CDH12: variants seen among roughly 807,000 people sequenced by gnomAD.
CDH12 encodes the protein cadherin-12.
CDH12 carries 41 observed loss-of-function variants against 74.1 expected under a neutral mutation model. The observed-to-expected ratio is 0.55, with a 90% confidence interval of 0.43 to 0.72. The LOEUF is 0.72. CDH12 is among the 30% of genes least tolerant of loss of function. The pLI, the probability that CDH12 is intolerant of heterozygous loss-of-function variation, is 0.00. For missense variants in CDH12, 945 were observed against 977.2 expected, an observed-to-expected ratio of 0.97 and a Z score of 0.44; for synonymous variants, 399 against 355.0, an observed-to-expected ratio of 1.12 and a Z score of -1.39.
chr5:22,284,950 GA>G (rs58641614), intron 3 of CDH12, among the ~76,000 whole-genome samples: 37 of 140,590 alleles, frequency 2.6e-4, no homozygotes, highest in African/African-American at 3.9e-4. Context: ...AAGAAGAAAT[GA>G]AAAAAAAAAA....
chr5:22,347,710 T>C (rs1195336913), intron 3 of CDH12, among the ~76,000 whole-genome samples: 1 of 152,214 alleles, frequency 6.6e-6, no homozygotes, highest in Non-Finnish European at 1.5e-5. Context: ...GGTTGAGGCA[T>C]ATGATGATTA....
chr5:21,912,478 C>T (rs1314912734), intron 6 of CDH12, among the ~76,000 whole-genome samples: 1 of 152,150 alleles, frequency 6.6e-6, no homozygotes, highest in East Asian at 1.9e-4. Context: ...AGATATCAAA[C>T]TCCTTACACT....
At chr5:22,093,711 T>C (rs923266345) in intron 4 of CDH12, among the ~76,000 whole-genome samples, 17 of 152,136 alleles carry the variant, frequency 1.1e-4, no homozygotes, top group African/African-American at 4.1e-4. Flanking sequence ...GTTGCAACAC[T>C]ATGTGAATAT....
chr5:21,764,651 G>GAAAAAA (rs369895363), intron 12 of CDH12, among the ~76,000 whole-genome samples: 267 of 105,498 alleles, frequency 2.5e-3, no homozygotes, highest in Middle Eastern at 5.3e-3. Flanking sequence ...TTCATATCAA[G>GAAAAAA]AAAAAAAAAA....
At chr5:22,373,651 C>A (rs186470976) in intron 3 of CDH12, among the ~76,000 whole-genome samples, 30 of 152,318 alleles carry the variant, frequency 2.0e-4, no homozygotes, top group East Asian at 7.7e-4. Flanking sequence ...GCTCCCTGAG[C>A]AAGCAAGGAA....
intron 4 of CDH12, among the ~76,000 whole-genome samples, chr5:22,209,291 C>A (rs1406003124): frequency 6.6e-6 from 1 of 152,144 alleles, no homozygotes; most frequent in Non-Finnish European, 1.5e-5. Context: ...TACACTAAAC[C>A]TCTGTGGACA....
chr5:22,118,036 C>G (rs1580278136), intron 4 of CDH12, among the ~76,000 whole-genome samples: 1 of 152,122 alleles, frequency 6.6e-6, no homozygotes, highest in East Asian at 1.9e-4. Context: ...GACCTCAACT[C>G]TAGAACCATC....
chr5:22,284,715 T>C (rs1181780670), intron 3 of CDH12, among the ~76,000 whole-genome samples: 1 of 152,126 alleles, frequency 6.6e-6, no homozygotes, highest in Non-Finnish European at 1.5e-5. Context: ...AGGAAGAGGA[T>C]TCAACAAGTG....
chr5:22,152,454 C>T (rs1167796072), intron 4 of CDH12: 1 of 152,052 alleles, frequency 6.6e-6, no homozygotes, highest in African/African-American at 2.4e-5. Context: ...TCATATTCAC[C>T]TTTCTGGAAT....
At chr5:21,846,103 A>T (rs1750152508) in intron 7 of CDH12, among the ~76,000 whole-genome samples, 1 of 152,176 alleles carries the variant, frequency 6.6e-6, no homozygotes, top group Non-Finnish European at 1.5e-5. Flanking sequence ...ACCCATCTGC[A>T]TAACAAAAGA....
At chr5:22,494,654 G>T (rs1747027752) in intron 2 of CDH12, among the ~76,000 whole-genome samples, 1 of 152,152 alleles carries the variant, frequency 6.6e-6, no homozygotes, top group Non-Finnish European at 1.5e-5. Context: ...ATGGCATTTT[G>T]AATAAAGCTG....
chr5:22,811,053 A>C lies in CDH12; in HGVS notation c.-523+42005T>G, dbSNP rs549401167. On this transcript the variant is annotated intron_variant, in intron 1 of 14. Transcript: ENST00000382254. ...CATACATAAATATATACATACATACACATATATACGTATATGTATACATAC... is the reference window on the plus strand; with the variant it reads ...CATACATAAATATATACATACATACCCATATATACGTATATGTATACATAC... Among the ~76,000 whole-genome samples the C allele has an allele frequency of 3.5e-3, 529 of 151,820 alleles. 4 individuals carry two copies. Among genetic ancestry groups the C allele is most frequent in the African/African-American group, 0.012 (514 of 41,402 alleles).
At chr5:22,057,768 A>G (rs1190916979) in intron 5 of CDH12, among the ~76,000 whole-genome samples, 2 of 152,114 alleles carry the variant, frequency 1.3e-5, no homozygotes, top group African/African-American at 4.8e-5. Context: ...AAACTCATAG[A>G]GTGTTTGCAT....
intron 6 of CDH12, among the ~76,000 whole-genome samples, chr5:21,855,015 A>C (rs917334410): frequency 6.6e-6 from 1 of 151,760 alleles, no homozygotes. Context: ...AGTTGTGTCC[A>C]TTTCCAGGAG....
intron 8 of CDH12, among the ~76,000 whole-genome samples, chr5:21,833,251 A>AACATATAATATATATTATATG (rs1749263902): frequency 1.4e-3 from 19 of 13,224 alleles, no homozygotes; most frequent in South Asian, 7.1e-3. Flanking sequence ...TATATTATAT[A>AACATATAATATATATTATATG]TTATATAACA....
At chr5:21,993,825 T>C (rs1251207942) in intron 5 of CDH12, among the ~76,000 whole-genome samples, 1 of 152,030 alleles carries the variant, frequency 6.6e-6, no homozygotes, top group Admixed American at 6.6e-5. Context: ...GCTAAGTTTA[T>C]GGAAATTTGA....
chr5:22,097,551 T>C (rs568640549), intron 4 of CDH12, among the ~76,000 whole-genome samples: 1 of 152,182 alleles, frequency 6.6e-6, no homozygotes, highest in African/African-American at 2.4e-5. Flanking sequence ...CAATACTCTT[T>C]TAAGCGCTCC....
chr5:22,520,729 A>ACTT (rs1217510293), intron 1 of CDH12, among the ~76,000 whole-genome samples: 5 of 152,104 alleles, frequency 3.3e-5, no homozygotes, highest in South Asian at 2.1e-4. Flanking sequence ...AGCAAACAGG[A>ACTT]CTTATTAGTT....
chr5:22,665,739 C>T (rs565513851), intron 1 of CDH12, among the ~76,000 whole-genome samples: 61 of 152,216 alleles, frequency 4.0e-4, no homozygotes, highest in African/African-American at 1.4e-3. Flanking sequence ...TTTCATTCAT[C>T]TTCCATCTTT....
Sources: gnomAD v4.1 joint callset for allele counts (sites outside exome capture counted in the v4.1 genomes callset) on GRCh38, gnomAD v4.1.1 for gene constraint, MANE v1.5 for transcripts, NCBI Gene and HGNC (gene_info 2026-07-23, HGNC 2026-07-21) for gene names.